SORCS2: variants seen among roughly 807,000 people sequenced by gnomAD.
SORCS2 encodes VPS10 domain-containing receptor SorCS2.
A neutral mutation model predicts 141.6 loss-of-function variants in SORCS2; 100 were observed. The ratio of observed to expected loss-of-function variants is 0.71; its 90% CI spans 0.60 to 0.83. The LOEUF is 0.83. SORCS2 is among the 40% of genes least tolerant of loss of function. The pLI is 0.00. For missense variants in SORCS2, 1,646 were observed against 1,560.2 expected (o/e 1.05, Z -0.93); for synonymous variants, 789 against 676.9 (o/e 1.17, Z -2.57).
chr4:7,596,754 C>T (rs1292715836), intron 3 of SORCS2, among the ~76,000 whole-genome samples: 2 of 152,056 alleles, frequency 1.3e-5, no homozygotes, highest in East Asian at 1.9e-4. Context: ...TCTGAGCACC[C>T]ACCAGGTACC....
At chr4:7,655,604 A>G (rs1721714222) in intron 5 of SORCS2, among the ~76,000 whole-genome samples, 1 of 152,200 alleles carries the variant, frequency 6.6e-6, no homozygotes, top group Non-Finnish European at 1.5e-5. Context: ...CCGTTGGCTC[A>G]TGGGGAGAGG....
intron 2 of SORCS2, among the ~76,000 whole-genome samples, chr4:7,421,722 C>T (rs1026712133): frequency 1.1e-4 from 17 of 152,280 alleles, no homozygotes; most frequent in African/African-American, 3.6e-4. Flanking sequence ...CTGGAGCCCC[C>T]GCTGGCTCTG....
At chr4:7,390,930 G>T (rs1723817805) in intron 1 of SORCS2, among the ~76,000 whole-genome samples, 1 of 152,130 alleles carries the variant, frequency 6.6e-6, no homozygotes, top group Non-Finnish European at 1.5e-5. Flanking sequence ...TGGAGAAACC[G>T]CGAACTCTGC....
intron 4 of SORCS2, among the ~76,000 whole-genome samples, chr4:7,645,041 T>C (rs764778959): frequency 2.6e-5 from 4 of 152,268 alleles, no homozygotes; most frequent in Non-Finnish European, 5.9e-5. Flanking sequence ...GCAGGCGTCG[T>C]AAACGCAAGC....
intron 14 of SORCS2, among the ~76,000 whole-genome samples, chr4:7,712,458 G>C (rs1056037111): frequency 1.3e-5 from 2 of 152,240 alleles, no homozygotes; most frequent in African/African-American, 4.8e-5. Context: ...GGGGCCACTG[G>C]GGGCCAACCA....
chr4:7,338,354 T>G (rs374001749), intron 1 of SORCS2, among the ~76,000 whole-genome samples: 36 of 138,186 alleles, frequency 2.6e-4, no homozygotes, highest in African/African-American at 8.1e-4. Flanking sequence ...TGGATGTCAG[T>G]TGGATGGATG....
chr4:7,312,934 G>A (rs1184385913), intron 1 of SORCS2, among the ~76,000 whole-genome samples: 1 of 152,246 alleles, frequency 6.6e-6, no homozygotes, highest in Non-Finnish European at 1.5e-5. Context: ...AGCTGCAGCT[G>A]GCTGAGCAGC....
intron 3 of SORCS2, among the ~76,000 whole-genome samples, chr4:7,571,693 C>T (rs1715405268): frequency 6.6e-6 from 1 of 152,076 alleles, no homozygotes; most frequent in African/African-American, 2.4e-5. Context: ...AATTGGGGGC[C>T]TGTGCTAGCA....
intron 1 of SORCS2, among the ~76,000 whole-genome samples, chr4:7,374,121 TTCTTTCCC>T (rs200207956): frequency 0.088 from 1,771 of 20,144 alleles, 70 homozygotes; most frequent in East Asian, 0.41. Flanking sequence ...CTTTCTTTCT[TTCTTTCCC>T]TCTTTCTTTC....
chr4:7,447,011 T>C (rs1728045615), intron 2 of SORCS2, among the ~76,000 whole-genome samples: 1 of 152,226 alleles, frequency 6.6e-6, no homozygotes, highest in Non-Finnish European at 1.5e-5. Context: ...TGTGCTGAGA[T>C]ACATCCGGGG....
At chr4:7,567,704 A>C (rs146289624) in intron 3 of SORCS2, among the ~76,000 whole-genome samples, 2 of 152,334 alleles carry the variant, frequency 1.3e-5, no homozygotes, top group Non-Finnish European at 2.9e-5. Context: ...TGCTATGGGC[A>C]GCCCATGTTT....
At chr4:7,515,643 G>C (rs549302344) in intron 2 of SORCS2, among the ~76,000 whole-genome samples, 1 of 152,264 alleles carries the variant, frequency 6.6e-6, no homozygotes, top group African/African-American at 2.4e-5. Flanking sequence ...CCCTGCAGAC[G>C]TAAGCCTTTG....
chr4:7,654,033 TCTC>T (rs1053310238), intron 4 of SORCS2, 98 bp from the exon 5 acceptor site: 9 of 1,137,006 alleles, frequency 7.9e-6, no homozygotes, highest in African/African-American at 1.5e-5. Context: ...AAGGATGACT[TCTC>T]CTGGGGGATC....
chr4:7,331,287 C>G (rs558908026), intron 1 of SORCS2, among the ~76,000 whole-genome samples: 34 of 152,110 alleles, frequency 2.2e-4, no homozygotes, highest in African/African-American at 7.7e-4. Context: ...GTTCTTGGGG[C>G]TGGGGTGGTT....
intron 8 of SORCS2, among the ~76,000 whole-genome samples, chr4:7,669,714 C>G (rs984159095): frequency 2.6e-5 from 4 of 152,166 alleles, no homozygotes; most frequent in African/African-American, 9.7e-5. Context: ...ACCCGCAAAC[C>G]TCTCACCTCA....
At chr4:7,609,498 C>T (rs557796157) in intron 3 of SORCS2, among the ~76,000 whole-genome samples, 9 of 152,330 alleles carry the variant, frequency 5.9e-5, no homozygotes, top group Non-Finnish European at 7.3e-5. Context: ...TGACCTCCCC[C>T]GTCCAGCCCC....
At chr4:7,551,951 G>T (rs1430065968) in intron 3 of SORCS2, among the ~76,000 whole-genome samples, 2 of 152,172 alleles carry the variant, frequency 1.3e-5, no homozygotes, top group East Asian at 3.8e-4. Context: ...AATCGGCAGC[G>T]TTGCCTGCTC....
At chr4:7,542,124 A>G (rs998071741) in intron 3 of SORCS2, among the ~76,000 whole-genome samples, 7 of 152,290 alleles carry the variant, frequency 4.6e-5, no homozygotes, top group African/African-American at 1.7e-4. Flanking sequence ...AAAGGGGCCC[A>G]TTGGCAGCCC....
chr4:7,230,624 G>A (rs965273120), intron 1 of SORCS2, among the ~76,000 whole-genome samples: 4 of 123,170 alleles, frequency 3.2e-5, no homozygotes, highest in East Asian at 2.8e-4. Flanking sequence ...AGCAGTGTCT[G>A]GAGCAGTGTC....
Sources: gnomAD v4.1 joint callset for allele counts (sites outside exome capture counted in the v4.1 genomes callset) on GRCh38, gnomAD v4.1.1 for gene constraint, MANE v1.5 for transcripts, NCBI Gene and HGNC (gene_info 2026-07-23, HGNC 2026-07-21) for gene names.